The following LRRC7 variants were observed in gnomAD, a reference collection of about 807,000 sequenced individuals.
The protein encoded by LRRC7 is leucine-rich repeat-containing protein 7.
A neutral mutation model predicts 175.7 loss-of-function variants in LRRC7; 23 were observed. The observed-to-expected ratio is 0.13, with a 90% CI of 0.09 to 0.19. The LOEUF (loss-of-function observed/expected upper bound fraction) is 0.19, where lower values mean the gene tolerates loss of function less well. LRRC7 is among the 10% of genes least tolerant of loss of function. The pLI, the probability that LRRC7 is intolerant of heterozygous loss-of-function variation, is 1.00. For missense variants in LRRC7, 1,354 were observed against 1,904.7 expected, an observed-to-expected ratio of 0.71 and a Z score of 5.38; for synonymous variants, 685 against 680.9, an observed-to-expected ratio of 1.01 and a Z score of -0.09.
chr1:69,781,916 G>GA (rs1673775645), intron 3 of LRRC7, among the ~76,000 whole-genome samples: 1 of 82,214 alleles, frequency 1.2e-5, no homozygotes, highest in African/African-American at 5.6e-5. Flanking sequence ...AGAAAAAGAA[G>GA]AAAGAAAGAA....
At chr1:69,835,004 C>A (rs1375635980) in intron 6 of LRRC7, 135 bp downstream of exon 6, 12 of 602,736 alleles carry the variant, frequency 2.0e-5, no homozygotes, top group Non-Finnish European at 2.7e-5. Flanking sequence ...AAATGAAACG[C>A]TGTTAATTAA....
At chr1:69,859,631 G>A (rs780381868) in intron 7 of LRRC7, among the ~76,000 whole-genome samples, 9 of 151,896 alleles carry the variant, frequency 5.9e-5, no homozygotes, top group Admixed American at 1.3e-4. Context: ...CTTTTAACAG[G>A]TGTTCATTAA....
At chr1:70,074,874 A>G (rs1250911290) in intron 23 of LRRC7, among the ~76,000 whole-genome samples, 1 of 129,508 alleles carries the variant, frequency 7.7e-6, no homozygotes, top group Non-Finnish European at 1.7e-5. Flanking sequence ...CTTTAAAATA[A>G]TTAAATTTAA....
intron 15 of LRRC7, 186 bp from the exon 16 acceptor site, chr1:70,020,819 C>A: frequency 2.6e-6 from 1 of 383,772 alleles, no homozygotes; most frequent in Non-Finnish European, 4.4e-6. Context: ...TACAAAAGAC[C>A]ATGTAATAAA....
rs1457199569 is a variant in LRRC7, at chr1:70,023,134, C to T, written c.1554C>T (p.Ser518=). 3 of 1,420,816 alleles carry T rather than the reference C, an allele frequency of 2.1e-6. No homozygotes were observed. Among genetic ancestry groups the T allele is most frequent in the South Asian group, 3.5e-5 (2 of 56,506 alleles). 88.0% of individuals were successfully genotyped at this position (1,420,816 alleles called of 1,614,324 possible). A position where few individuals can be genotyped will look rare whatever the true frequency, so the allele number is the denominator to read the frequency against. ...GATTCCTTCTCCCACAGGATCTCTC[C>T]TGCCAAGCCCCCTGGGAAAGGGGCC... ...DENAGKVKDL[S]CQAPWERGQR... is the part of the protein sequence containing the mutation. The change falls in exon 17 of 27, where the codon TCC becomes TCT. Residue 518 remains serine (S), a synonymous_variant. Transcript: ENST00000651989.
chr1:69,829,365 C>T (rs988329907), intron 5 of LRRC7, among the ~76,000 whole-genome samples: 2 of 151,770 alleles, frequency 1.3e-5, no homozygotes, highest in African/African-American at 2.4e-5. Context: ...TATAGATGTA[C>T]ATTTTGGGTG....
intron 1 of LRRC7, among the ~76,000 whole-genome samples, chr1:69,595,165 C>T (rs12564056): frequency 0.25 from 38,485 of 151,984 alleles, 5,425 homozygotes; most frequent in East Asian, 0.36. Context: ...GCATGTTAAG[C>T]AATCCCAGCA....
At chr1:69,969,912 T>C (rs1350248116) in intron 8 of LRRC7, among the ~76,000 whole-genome samples, 1 of 151,874 alleles carries the variant, frequency 6.6e-6, no homozygotes, top group Non-Finnish European at 1.5e-5. Flanking sequence ...TCAAGAAAAT[T>C]GAAATTATAT....
intron 4 of LRRC7, among the ~76,000 whole-genome samples, chr1:69,801,596 T>C (rs1676499396): frequency 6.6e-6 from 1 of 151,734 alleles, no homozygotes; most frequent in African/African-American, 2.4e-5. Context: ...TTTATTTGGA[T>C]CTTTTCTCTC....
At chr1:69,748,508 A>G (rs1195372597) in intron 2 of LRRC7, among the ~76,000 whole-genome samples, 1 of 152,172 alleles carries the variant, frequency 6.6e-6, no homozygotes. Flanking sequence ...GGAAATTTTA[A>G]CAAAATAAAT....
At chr1:69,976,196 G>C (rs1199636706) in intron 8 of LRRC7, among the ~76,000 whole-genome samples, 1 of 152,086 alleles carries the variant, frequency 6.6e-6, no homozygotes, top group Non-Finnish European at 1.5e-5. Context: ...TTATTAAGTA[G>C]TATTAACTCA....
intron 1 of LRRC7, among the ~76,000 whole-genome samples, chr1:69,569,788 G>T (rs1645660972): frequency 6.6e-6 from 1 of 151,680 alleles, no homozygotes; most frequent in African/African-American, 2.4e-5. Context: ...GGGCGAGAGG[G>T]CACAGCTCGA....
intron 25 of LRRC7, among the ~76,000 whole-genome samples, chr1:70,097,690 C>A (rs994692035): frequency 6.7e-6 from 1 of 150,288 alleles, no homozygotes; most frequent in African/African-American, 2.5e-5. Flanking sequence ...CAATTCCCAC[C>A]TATGAGTGAG....
At chr1:69,678,575 A>C in intron 2 of LRRC7, 97 bp downstream of exon 2, 1 of 813,970 alleles carries the variant, frequency 1.2e-6, no homozygotes, top group Non-Finnish European at 2.0e-6. Context: ...TAGTCAAGCA[A>C]TAGAATATTT....
intron 26 of LRRC7, among the ~76,000 whole-genome samples, chr1:70,115,031 A>G (rs1665758767): frequency 6.6e-6 from 1 of 152,210 alleles, no homozygotes; most frequent in Non-Finnish European, 1.5e-5. Flanking sequence ...ATTGTCAACA[A>G]AATAACAAGC....
chr1:70,035,625 CAAA>C (rs765207825), intron 18 of LRRC7, among the ~76,000 whole-genome samples: 8 of 71,826 alleles, frequency 1.1e-4, no homozygotes, highest in Admixed American at 4.7e-4. Context: ...TAGGGATGCA[CAAA>C]AAAAAAAAAA....
At chr1:70,061,303 A>G (rs568383227) in intron 23 of LRRC7, among the ~76,000 whole-genome samples, 138 of 152,306 alleles carry the variant, frequency 9.1e-4, no homozygotes, top group African/African-American at 3.2e-3. Flanking sequence ...TCTAAATGCT[A>G]GGAAAAGGGA....
chr1:70,110,169 C>T (rs1665427636), intron 26 of LRRC7, among the ~76,000 whole-genome samples: 1 of 152,094 alleles, frequency 6.6e-6, no homozygotes, highest in Admixed American at 6.5e-5. Context: ...GGCTTGAAGC[C>T]AGAAGTTTAA....
At chr1:69,688,586 T>C (rs937260523) in intron 2 of LRRC7, among the ~76,000 whole-genome samples, 5 of 151,956 alleles carry the variant, frequency 3.3e-5, no homozygotes, top group Non-Finnish European at 7.4e-5. Context: ...TGCATGAAAA[T>C]TTGCAGAGGA....
Sources: gnomAD v4.1 joint callset for allele counts (sites outside exome capture counted in the v4.1 genomes callset) on GRCh38, gnomAD v4.1.1 for gene constraint, MANE v1.5 for transcripts, NCBI Gene and HGNC (gene_info 2026-07-23, HGNC 2026-07-21) for gene names.